TSHZ3: variants seen among roughly 807,000 people sequenced by gnomAD.
TSHZ3 encodes teashirt zinc finger homeobox 3.
In TSHZ3, 10 loss-of-function variants were observed where a neutral mutation model predicts 64.5. The observed-to-expected ratio is 0.16, with a 90% CI of 0.10 to 0.26. The LOEUF is 0.26. TSHZ3 is among the 10% of genes least tolerant of loss of function. TSHZ3 has a pLI of 1.00. For synonymous variants in TSHZ3, 608 were observed against 593.1 expected, an observed-to-expected ratio of 1.03 and a Z score of -0.36; for missense variants, 1,242 against 1,421.7, an observed-to-expected ratio of 0.87 and a Z score of 2.03.
intron 5 of TSHZ3, among the ~76,000 whole-genome samples, chr19:31,163,595 G>A (rs1974399801): frequency 6.6e-6 from 1 of 152,140 alleles, no homozygotes; most frequent in Non-Finnish European, 1.5e-5. Context: ...TCCAGGCCTG[G>A]TCGCGCTTGC....
At chr19:31,341,317 C>T (rs184396636) in intron 1 of TSHZ3, among the ~76,000 whole-genome samples, 10 of 152,234 alleles carry the variant, frequency 6.6e-5, no homozygotes, top group Middle Eastern at 3.4e-3. Context: ...ACAAGTATTG[C>T]GCACTTGGGG....
chr19:31,340,346 A>AG lies in TSHZ3; in HGVS notation c.40+8833_40+8834insC, dbSNP rs1422651685. 7.4e-5 allele frequency among the ~76,000 whole-genome samples: 11 copies of AG among 148,104 alleles called. No individual in the cohort carries two copies. The East Asian group carries it at 2.2e-3, about 29-fold the overall frequency. On this transcript the variant is annotated intron_variant, in intron 1 of 1. Transcript: ENST00000240587. ...GCAACAGGCCTACAGTACAAAAAAA[A>AG]AAAAAAAAAAAAAAAAAACCACAGA...
chr19:31,221,744 A>G (rs990292343), intron 4 of TSHZ3, among the ~76,000 whole-genome samples: 5 of 152,190 alleles, frequency 3.3e-5, no homozygotes, highest in Non-Finnish European at 7.4e-5. Context: ...TTATTATCTT[A>G]GCATTAACAC....
intron 4 of TSHZ3, among the ~76,000 whole-genome samples, chr19:31,221,979 A>G (rs1438777717): frequency 6.6e-6 from 1 of 152,210 alleles, no homozygotes; most frequent in African/African-American, 2.4e-5. Flanking sequence ...GTACAGTGAC[A>G]TGAGGTCAGG....
Position 31,279,528 on chromosome 19 carries a change from C to T in TSHZ3, c.265G>A (p.Glu89Lys), listed in dbSNP as rs1321687384. 6.2e-7 allele frequency: 1 copy of T among 1,611,438 alleles called. No homozygotes were observed. The highest frequency in any genetic ancestry group is 8.5e-7 in the Non-Finnish European group (1 of 1,177,904). ...SETSDRMADF[E>K]SGSIKNEEET... ...TCTTCGTTCTTGATGGAGCCGCTTTCAAAGTCAGCCATTCGGTCACTGGTC... is the reference window on the plus strand; with the variant it reads ...TCTTCGTTCTTGATGGAGCCGCTTTTAAAGTCAGCCATTCGGTCACTGGTC... Residue 89 changes from glutamate (E) to lysine (K), a missense_variant, in exon 2 of 2, where the codon GAA becomes AAA. Physicochemically the swap from Glu to Lys is moderately conservative, Grantham distance 56. Transcript: ENST00000240587. The surrounding 1 kb of genome is among the most constrained non-coding windows in gnomAD (Gnocchi z 6.4).
At chr19:31,343,782 T>TG (rs1313230335) in intron 1 of TSHZ3, among the ~76,000 whole-genome samples, 1 of 151,484 alleles carries the variant, frequency 6.6e-6, no homozygotes, top group Non-Finnish European at 1.5e-5. Flanking sequence ...AGGTTTTTTT[T>TG]TTGTTTTTTT....
chr19:31,257,132 G>T (rs1231950401), intron 1 of TSHZ3, among the ~76,000 whole-genome samples: 1 of 152,172 alleles, frequency 6.6e-6, no homozygotes, highest in Non-Finnish European at 1.5e-5. Flanking sequence ...GAGAGCCAGA[G>T]ATGGCTGCAC....
chr19:31,290,959 T>C (rs1976555049), intron 1 of TSHZ3, among the ~76,000 whole-genome samples: 1 of 152,238 alleles, frequency 6.6e-6, no homozygotes, highest in African/African-American at 2.4e-5. Context: ...AGATGAATGC[T>C]TGTTCAGTTG....
At chr19:31,302,311 T>C (rs919187184) in intron 1 of TSHZ3, among the ~76,000 whole-genome samples, 1 of 152,142 alleles carries the variant, frequency 6.6e-6, no homozygotes, top group East Asian at 1.9e-4. Context: ...ACTCTGCCCA[T>C]GTCCAGGAAG....
rs73565136 is a variant in TSHZ3, at chr19:31,259,960, C to T, written n.64-17085G>A. On this transcript the variant is annotated intron_variant and non_coding_transcript_variant, in intron 1 of 6. Transcript: ENST00000651361. Reference sequence around the variant, plus strand: ...TGGGACAGATGTGGGCCCAGTTGCGCGGGAGAGAGGAACGCTTCCAACTTG... The same window carrying T: ...TGGGACAGATGTGGGCCCAGTTGCGTGGGAGAGAGGAACGCTTCCAACTTG... 5.6e-4 allele frequency among the ~76,000 whole-genome samples: 86 copies of T among 152,214 alleles called. 1 individual carries two copies. Among genetic ancestry groups the T allele is most frequent in the African/African-American group, 1.7e-3 (71 of 41,516 alleles).
intron 5 of TSHZ3, among the ~76,000 whole-genome samples, chr19:31,193,203 C>G (rs945485382): frequency 1.3e-5 from 2 of 152,166 alleles, no homozygotes; most frequent in African/African-American, 4.8e-5. Flanking sequence ...CAGACTTTCC[C>G]ATACATATGA....
chr19:31,195,248 G>T lies in TSHZ3; in HGVS notation n.809+9708C>A, dbSNP rs1236740652. 2.6e-5 allele frequency among the ~76,000 whole-genome samples: 4 copies of T among 151,850 alleles called. 1 individual carries two copies. ...CAACCACAGATCTAGGAAGCTCAGAGAACACCAATCAGGAAAAATGTTAAA... is the reference window on the plus strand; with the variant it reads ...CAACCACAGATCTAGGAAGCTCAGATAACACCAATCAGGAAAAATGTTAAA... On this transcript the variant is annotated intron_variant and non_coding_transcript_variant, in intron 5 of 6. Transcript: ENST00000651361.
chr19:31,235,699 CTTTTTT>C (rs34677399), intron 3 of TSHZ3, among the ~76,000 whole-genome samples: 5 of 59,570 alleles, frequency 8.4e-5, no homozygotes, highest in Non-Finnish European at 1.3e-4. Flanking sequence ...TCCTCTTCTT[CTTTTTT>C]TTTTTTTTTT....
intron 1 of TSHZ3, among the ~76,000 whole-genome samples, chr19:31,333,106 C>CAATAAATAAATAAATA (rs10585080): frequency 5.1e-5 from 7 of 137,824 alleles, no homozygotes; most frequent in Admixed American, 2.2e-4. Context: ...TCCTGTCTCA[C>CAATAAATAAATAAATA]AATAAATAAA....
At chr19:31,227,995 A>C (rs974916824) in intron 4 of TSHZ3, among the ~76,000 whole-genome samples, 1 of 152,158 alleles carries the variant, frequency 6.6e-6, no homozygotes, top group African/African-American at 2.4e-5. Flanking sequence ...CCATAAAACC[A>C]TCATCTTACC....
intron 1 of TSHZ3, among the ~76,000 whole-genome samples, chr19:31,246,437 T>C (rs902485165): frequency 5.3e-5 from 8 of 152,176 alleles, no homozygotes; most frequent in Admixed American, 5.2e-4. Context: ...TTATGAATAG[T>C]CAACAACTGA....
At chr19:31,247,068 A>G (rs1256998964) in intron 1 of TSHZ3, among the ~76,000 whole-genome samples, 1 of 152,232 alleles carries the variant, frequency 6.6e-6, no homozygotes, top group Non-Finnish European at 1.5e-5. Context: ...TCCTTGCAGT[A>G]GAAAGACAAT....
chr19:31,301,610 C>A lies in TSHZ3; in HGVS notation c.41-21858G>T, dbSNP rs993546898. On this transcript the variant is annotated intron_variant, in intron 1 of 1. Transcript: ENST00000240587. The stretch of plus-strand genomic sequence containing the variant: ...GGGCATCGTCATAGAGCAGGAGACA[C>A]CCCGGCAAAGGGATTCCGCAAGGTC... Among the ~76,000 whole-genome samples, 5 of 152,282 alleles carry A rather than the reference C, an allele frequency of 3.3e-5. No homozygotes were observed. In the East Asian group the frequency reaches 5.8e-4, roughly 18 times the overall value.
At position 31,279,324 on chromosome 19, in the gene TSHZ3, T is replaced by C. The variant is rs1254557667; in HGVS notation, c.469A>G (p.Ser157Gly). ...NGSSSSSSSS[S>G]SSCGSGSFDW... ...AAGCTCCCGCTGCCACAGCTGCTGC[T>C]GCTGCTACTGCTGCTGCTGCTGCTG... Residue 157 changes from serine to glycine, a missense_variant, in exon 2 of 2, where the codon AGC (serine) becomes GGC (glycine). Ser to Gly is a moderately conservative substitution (Grantham distance 56). Around this residue, in one of 4 missense-constraint regions of TSHZ3, gnomAD observed 555 missense variants for 704.0 expected, o/e 0.79. Transcript: ENST00000240587. The surrounding 1 kb of genome is among the most constrained non-coding windows in gnomAD (Gnocchi z 6.4). The C allele has an allele frequency of 6.2e-7, 1 of 1,613,568 alleles. No homozygotes were observed. Among genetic ancestry groups the C allele is most frequent in the Non-Finnish European group, 8.5e-7 (1 of 1,179,814 alleles).
Sources: gnomAD v4.1 joint callset for allele counts (sites outside exome capture counted in the v4.1 genomes callset) on GRCh38, gnomAD v4.1.1 for gene constraint, gnomAD v4.1.1 regional missense constraint, Gnocchi (gnomAD v3.1) non-coding constraint, MANE v1.5 for transcripts, NCBI Gene and HGNC (gene_info 2026-07-23, HGNC 2026-07-21) for gene names.